STK10: variants seen among roughly 807,000 people sequenced by gnomAD.
STK10 encodes the protein serine/threonine-protein kinase 10.
STK10 carries 78 observed loss-of-function variants against 113.8 expected under a neutral mutation model. The ratio of observed to expected loss-of-function variants is 0.69; its 90% CI spans 0.57 to 0.83. STK10 has a LOEUF of 0.83. Ranked by LOEUF, STK10 falls within the 40% of genes least tolerant of loss-of-function variation. The pLI is 0.00. For missense variants in STK10, 1,109 were observed against 1,280.1 expected (o/e 0.87, Z 2.04); for synonymous variants, 465 against 494.7 (o/e 0.94, Z 0.80).
At chr5:172,121,667 G>A (rs1769512908) in intron 3 of STK10, among the ~76,000 whole-genome samples, 1 of 152,046 alleles carries the variant, frequency 6.6e-6, no homozygotes, top group African/African-American at 2.4e-5. Context: ...TTAGCCGGGT[G>A]TGGTTGCACT....
intron 2 of STK10, 127 bp downstream of exon 2, chr5:172,156,497 A>T: frequency 7.9e-7 from 1 of 1,259,066 alleles, no homozygotes. Context: ...CTACTTCACC[A>T]TCTCCTTGCC....
At chr5:172,141,469 TACTCAGGAGGCTG>T (rs2113801504) in intron 2 of STK10, among the ~76,000 whole-genome samples, 1 of 151,660 alleles carries the variant, frequency 6.6e-6, no homozygotes, top group Admixed American at 6.6e-5. Flanking sequence ...TGGTCCCAGC[TACTCAGGAGGCTG>T]ACGTGGGAGG....
At chr5:172,073,682 C>T (rs1485767966) in intron 12 of STK10, among the ~76,000 whole-genome samples, 1 of 150,598 alleles carries the variant, frequency 6.6e-6, no homozygotes, top group Non-Finnish European at 1.5e-5. Context: ...AGCAGTGGCT[C>T]ATGCCTATAA....
In STK10 at chr5:172,078,619, T is replaced by TAA. The variant is rs58823824; in HGVS notation, c.1989+3705_1989+3706dup. Among the ~76,000 whole-genome samples, 193 of 72,704 alleles carry TAA rather than the reference T, an allele frequency of 2.7e-3. 5 individuals carry two copies. Among genetic ancestry groups the TAA allele is most frequent in the African/African-American group, 6.3e-3 (171 of 27,294 alleles). The allele number at this position is 72,704 out of a possible 152,430, so 47.7% of individuals were successfully genotyped here. A position where few individuals can be genotyped will look rare whatever the true frequency, so the allele number is the denominator to read the frequency against. On this transcript the variant is annotated intron_variant, in intron 12 of 18. Transcript: ENST00000176763. Reference sequence around the variant, plus strand: ...TGCCACTGCATTCCAGCCTCATCATTAAAAAAAAAAAAAAAAAAAAAAAAA... The same window carrying TAA: ...TGCCACTGCATTCCAGCCTCATCATTAAAAAAAAAAAAAAAAAAAAAAAAAAA...
intron 2 of STK10, among the ~76,000 whole-genome samples, chr5:172,151,570 C>T (rs920053074): frequency 7.9e-5 from 12 of 152,164 alleles, no homozygotes; most frequent in Admixed American, 3.9e-4. Context: ...TGGTCTCAAA[C>T]GCCTGATTCG....
intron 7 of STK10, among the ~76,000 whole-genome samples, chr5:172,100,907 G>A (rs1033553448): frequency 2.0e-5 from 3 of 151,924 alleles, no homozygotes; most frequent in Non-Finnish European, 4.4e-5. Context: ...TCATTCATTC[G>A]GAGAGGCAGC....
chr5:172,178,775 G>A (rs950990192), intron 1 of STK10, among the ~76,000 whole-genome samples: 13 of 152,160 alleles, frequency 8.5e-5, no homozygotes, highest in Non-Finnish European at 8.8e-5. Flanking sequence ...AACAAATACC[G>A]TCTGCCGGGC....
chr5:172,175,999 T>C (rs879066523), intron 1 of STK10, among the ~76,000 whole-genome samples: 5 of 152,164 alleles, frequency 3.3e-5, no homozygotes, highest in Admixed American at 2.0e-4. Flanking sequence ...CTTGTTCACT[T>C]TGGAACCCAC....
intron 4 of STK10, among the ~76,000 whole-genome samples, chr5:172,112,377 G>C (rs1470201914): frequency 1.3e-5 from 2 of 151,134 alleles, no homozygotes; most frequent in Non-Finnish European, 2.9e-5. Context: ...CTCCCTGGAA[G>C]TGGGATTTTG....
chr5:172,096,255 C>T (rs1310842413), intron 8 of STK10, among the ~76,000 whole-genome samples, 171 bp downstream of exon 8: 1 of 152,248 alleles, frequency 6.6e-6, no homozygotes, highest in Non-Finnish European at 1.5e-5. Flanking sequence ...TGCCTCACCC[C>T]GGCCCACATG....
At chr5:172,099,409 T>G (rs1409464117) in intron 7 of STK10, among the ~76,000 whole-genome samples, 2 of 152,058 alleles carry the variant, frequency 1.3e-5, no homozygotes, top group Non-Finnish European at 2.9e-5. Flanking sequence ...GGCATGGTGG[T>G]GCATGCCTGT....
At chr5:172,181,102 A>G (rs901118543) in intron 1 of STK10, among the ~76,000 whole-genome samples, 9 of 152,158 alleles carry the variant, frequency 5.9e-5, no homozygotes, top group African/African-American at 1.9e-4. Context: ...AGCCACACCC[A>G]TGTGCATCTG....
Position 172,082,988 on chromosome 5 carries a change from C to T in STK10, c.1782G>A (p.Met594Ile). 5 of 1,613,938 alleles carry T rather than the reference C, an allele frequency of 3.1e-6. No individual in the cohort carries two copies. Among genetic ancestry groups the T allele is most frequent in the Non-Finnish European group, 4.2e-6 (5 of 1,180,024 alleles). The stretch of plus-strand genomic sequence containing the variant: ...TGATTTCCTGTTCAAAACGTTTATG[C>T]ATTTGCTCCAGCTGCAGCTCATGCT... The part of the protein sequence containing the change: ...SNKHELQLEQ[M>I]HKRFEQEINA... Residue 594 changes from methionine (M) to isoleucine (I), a missense_variant, in exon 11 of 19, where the codon ATG becomes ATA. Coordinates refer to ENST00000176763, the MANE Select transcript of STK10 (RefSeq NM_005990.4). The surrounding 1 kb of genome is among the most constrained non-coding windows in gnomAD (Gnocchi z 4.3).
intron 4 of STK10, among the ~76,000 whole-genome samples, chr5:172,115,701 C>A (rs1051418970): frequency 1.3e-5 from 2 of 152,214 alleles, no homozygotes; most frequent in Admixed American, 1.3e-4. Flanking sequence ...TTCCTCTTAT[C>A]GGCAATGTGA....
intron 1 of STK10, among the ~76,000 whole-genome samples, chr5:172,184,200 C>G (rs1770912594): frequency 6.6e-6 from 1 of 152,142 alleles, no homozygotes; most frequent in Non-Finnish European, 1.5e-5. Flanking sequence ...GTTTGGGTTA[C>G]TTCAGTAACC....
intron 2 of STK10, among the ~76,000 whole-genome samples, chr5:172,130,169 G>A (rs954863273): frequency 2.6e-5 from 4 of 152,068 alleles, no homozygotes; most frequent in Non-Finnish European, 5.9e-5. Flanking sequence ...AATCCTCTCC[G>A]TAAAATGGGC....
At chr5:172,066,352 G>A (rs1454469913) in intron 12 of STK10, among the ~76,000 whole-genome samples, 9 of 151,936 alleles carry the variant, frequency 5.9e-5, no homozygotes, top group Middle Eastern at 3.4e-3. Flanking sequence ...TTGCTCTCCT[G>A]GCTTTGCACC....
rs571015807 is a variant in STK10 at position 172,122,773 on chromosome 5, G to A, written c.370+4600C>T. Reference sequence around the variant, plus strand: ...CAAGTAGCTGGGACTACAGGCGCCCGCCACCATGCTCGGCTAATTTTTTGT... The same window carrying A: ...CAAGTAGCTGGGACTACAGGCGCCCACCACCATGCTCGGCTAATTTTTTGT... On this transcript the variant is annotated intron_variant, in intron 3 of 18. Coordinates refer to ENST00000176763, the MANE Select transcript of STK10 (RefSeq NM_005990.4). Among the ~76,000 whole-genome samples, 11 of 152,250 alleles carry A rather than the reference G, an allele frequency of 7.2e-5. No individual in the cohort carries two copies. The South Asian group carries it at 8.3e-4, about 11-fold the overall frequency.
chr5:172,101,969 G>C (rs1259517342), intron 7 of STK10, among the ~76,000 whole-genome samples: 4 of 145,998 alleles, frequency 2.7e-5, no homozygotes, highest in Middle Eastern at 3.4e-3. Context: ...TCAGCAGGGT[G>C]GGGGGGGCGG....
Sources: gnomAD v4.1 joint callset for allele counts (sites outside exome capture counted in the v4.1 genomes callset) on GRCh38, gnomAD v4.1.1 for gene constraint, Gnocchi (gnomAD v3.1) non-coding constraint, MANE v1.5 for transcripts, NCBI Gene and HGNC (gene_info 2026-07-23, HGNC 2026-07-21) for gene names.